Variants in PPP2R2D observed in about 807,000 individuals in gnomAD.
PPP2R2D encodes the protein serine/threonine-protein phosphatase 2A 55 kDa regulatory subunit B delta isoform.
A neutral mutation model predicts 31.1 loss-of-function variants in PPP2R2D; 9 were observed. That is an observed-to-expected ratio of 0.29 (90% CI 0.17 to 0.51). PPP2R2D has a LOEUF of 0.51. Among genes scored for constraint, PPP2R2D ranks in the 20% least tolerant of loss-of-function variants. PPP2R2D has a pLI of 0.98. For missense variants in PPP2R2D, 391 were observed against 465.6 expected (o/e 0.84, Z 1.48); for synonymous variants, 179 against 172.6 (o/e 1.04, Z -0.29).
chr10:131,942,692 A>T (rs2119869638), intron 5 of PPP2R2D, among the ~76,000 whole-genome samples: 1 of 152,296 alleles, frequency 6.6e-6, no homozygotes, highest in Admixed American at 6.5e-5. Flanking sequence ...ACATAGCCAG[A>T]CCCCATCTCT....
chr10:131,942,972 G>A (rs2036467234), intron 5 of PPP2R2D, among the ~76,000 whole-genome samples: 1 of 152,178 alleles, frequency 6.6e-6, no homozygotes, highest in Non-Finnish European at 1.5e-5. Flanking sequence ...AATTCAGCCA[G>A]ACAAGACTCA....
chr10:131,953,123 T>C (rs2036712521), intron 8 of PPP2R2D, among the ~76,000 whole-genome samples: 1 of 81,044 alleles, frequency 1.2e-5, no homozygotes, highest in Non-Finnish European at 2.5e-5. Context: ...TTCCCTGTCT[T>C]AGCAGTGACT....
At chr10:131,915,269 G>C (rs1347070454) in intron 2 of PPP2R2D, among the ~76,000 whole-genome samples, 1 of 152,044 alleles carries the variant, frequency 6.6e-6, no homozygotes, top group African/African-American at 2.4e-5. Flanking sequence ...GTACCAGTGC[G>C]TTTGTAAACG....
chr10:131,945,701 T>TCGG lies in PPP2R2D; in HGVS notation c.820+244_820+246dup, dbSNP rs2036525634. 2.2e-6 allele frequency: 1 copy of TCGG among 465,098 alleles called. No individual in the cohort carries two copies. Among genetic ancestry groups the TCGG allele is most frequent in the Non-Finnish European group, 3.8e-6 (1 of 262,244 alleles). 28.8% of individuals were successfully genotyped at this position (465,098 alleles called of 1,614,324 possible). On this transcript the variant is annotated intron_variant, in intron 7 of 8. Transcript: ENST00000455566. The surrounding 1 kb of genome is among the most constrained non-coding windows in gnomAD (Gnocchi z 4.8). ...TCTGACCTCAGGTGATCCCCCTACCTCGGCCTCCCAAAGTGCTGGGATTAC... is the reference window on the plus strand; with the variant it reads ...TCTGACCTCAGGTGATCCCCCTACCTCGGCGGCCTCCCAAAGTGCTGGGATTAC...
intron 2 of PPP2R2D, among the ~76,000 whole-genome samples, chr10:131,915,467 A>C (rs1283907214): frequency 6.6e-6 from 1 of 152,206 alleles, no homozygotes; most frequent in African/African-American, 2.4e-5. Flanking sequence ...ACAACGGTCC[A>C]TCTTGTTTTG....
chr10:131,964,758 G>A (rs1369092945), downstream of PPP2R2D, among the ~76,000 whole-genome samples: 2 of 147,188 alleles, frequency 1.4e-5, no homozygotes, highest in African/African-American at 5.0e-5. Context: ...CACCCCTTCA[G>A]TATGGCTTTA....
chr10:131,932,721 C>T (rs1554895873), intron 2 of PPP2R2D, among the ~76,000 whole-genome samples: 1 of 148,206 alleles, frequency 6.7e-6, no homozygotes, highest in African/African-American at 2.5e-5. Context: ...ATGCCTTCAG[C>T]ATCAGTCTGG....
intron 2 of PPP2R2D, among the ~76,000 whole-genome samples, chr10:131,930,092 A>C (rs1564817125): frequency 1.3e-5 from 2 of 152,348 alleles, no homozygotes; most frequent in Middle Eastern, 3.4e-3. Flanking sequence ...TTTGTTACAT[A>C]GTATTCCGTT....
chr10:131,901,728 C>T (rs1195108417), intron 2 of PPP2R2D, among the ~76,000 whole-genome samples: 4 of 152,280 alleles, frequency 2.6e-5, no homozygotes, highest in African/African-American at 9.6e-5. Context: ...TGCGCTCGGG[C>T]AGCGCGGCAC....
chr10:131,929,118 C>G (rs1190524120), intron 2 of PPP2R2D, among the ~76,000 whole-genome samples: 2 of 152,186 alleles, frequency 1.3e-5, no homozygotes, highest in African/African-American at 4.8e-5. Flanking sequence ...TTGTCATTGC[C>G]CCCTGTACTA....
intron 2 of PPP2R2D, among the ~76,000 whole-genome samples, chr10:131,902,798 G>A (rs2119690067): frequency 6.6e-6 from 1 of 152,254 alleles, no homozygotes; most frequent in East Asian, 1.9e-4. Context: ...GCCCAGGCTG[G>A]ATGGAGTGCA....
rs918480855 is a variant in PPP2R2D at position 131,913,044 on chromosome 10, A to G, written c.100+11714A>G. Among the ~76,000 whole-genome samples the G allele has an allele frequency of 9.2e-5, 14 of 152,126 alleles. No homozygotes were observed. The South Asian group carries it at 2.5e-3, about 27-fold the overall frequency. On this transcript the variant is annotated intron_variant, in intron 2 of 8. Coordinates refer to ENST00000455566, the MANE Select transcript of PPP2R2D (RefSeq NM_018461.5). ...TGGTTTGTGTGTTTGTTTTTTTGAGATGAAATCTCGCTCTGTCACCCAGGC... is the reference window on the plus strand; with the variant it reads ...TGGTTTGTGTGTTTGTTTTTTTGAGGTGAAATCTCGCTCTGTCACCCAGGC...
Position 131,920,221 on chromosome 10 carries a change from G to A in PPP2R2D, c.101-14237G>A, listed in dbSNP as rs566273442. Among the ~76,000 whole-genome samples the A allele has an allele frequency of 8.1e-5, 12 of 148,566 alleles. No individual in the cohort carries two copies. In the South Asian group the frequency reaches 2.4e-3, roughly 30 times the overall value. ...GAATGACACAGTATAGGGACCTCAC[G>A]CGGGTGGAATGACACAGTGTTTGTA... On this transcript the variant is annotated intron_variant, in intron 2 of 8. Coordinates refer to ENST00000455566, the MANE Select transcript of PPP2R2D (RefSeq NM_018461.5).
In PPP2R2D at chr10:131,955,877, C is replaced by G; in HGVS notation, c.1276C>G (p.Leu426Val). 6.2e-7 allele frequency: 1 copy of G among 1,608,332 alleles called. No individual in the cohort carries two copies. Among genetic ancestry groups the G allele is most frequent in the Non-Finnish European group, 8.5e-7 (1 of 1,177,050 alleles). The change falls in exon 9 of 9, where the codon CTG becomes GTG. Residue 426 changes from leucine to valine, a missense_variant. Leu to Val is a conservative substitution (Grantham distance 32). Transcript: ENST00000455566. Reference protein sequence around the residue: ...VDSLDFNKKILHTAWHPVDNV... With the variant: ...VDSLDFNKKIVHTAWHPVDNV... The stretch of plus-strand genomic sequence containing the variant: ...CAGTCTGGACTTCAACAAGAAGATC[C>G]TGCACACAGCCTGGCACCCCGTGGA...
Position 131,956,653 on chromosome 10 carries a change from G to T in PPP2R2D, c.*690G>T. 1 of 762,106 alleles carries T rather than the reference G, an allele frequency of 1.3e-6. No homozygotes were observed. The highest frequency in any genetic ancestry group is 1.6e-6 in the Non-Finnish European group (1 of 626,142). 47.2% of individuals were successfully genotyped at this position (762,106 alleles called of 1,614,324 possible). ...GAGAAATGTGTGTCCTTCTTTGGCA[G>T]CGTGGGGGTATGTGTGCAGCATTTC... is the stretch of plus-strand genomic sequence containing the variant. On this transcript the variant is annotated 3_prime_UTR_variant, in exon 9 of 9. Coordinates refer to ENST00000455566, the MANE Select transcript of PPP2R2D (RefSeq NM_018461.5).
chr10:131,909,952 C>T (rs1282671928), intron 2 of PPP2R2D, among the ~76,000 whole-genome samples: 1 of 152,210 alleles, frequency 6.6e-6, no homozygotes, highest in Non-Finnish European at 1.5e-5. Context: ...TTTTGCACAT[C>T]CTTTTAAAAT....
intron 8 of PPP2R2D, among the ~76,000 whole-genome samples, chr10:131,955,158 G>A (rs1438994705): frequency 1.3e-5 from 2 of 152,240 alleles, no homozygotes; most frequent in Non-Finnish European, 2.9e-5. Context: ...GTGAAATGCA[G>A]TTGTTCTAAA....
rs2119896809 is a variant in PPP2R2D, at chr10:131,945,038, A to G, written c.656-257A>G. Among the ~76,000 whole-genome samples the G allele has an allele frequency of 6.6e-6, 1 of 152,282 alleles. No individual in the cohort carries two copies. The highest frequency in any genetic ancestry group is 2.1e-4 in the South Asian group (1 of 4,824). On this transcript the variant is annotated intron_variant, in intron 6 of 8. Coordinates refer to ENST00000455566, the MANE Select transcript of PPP2R2D (RefSeq NM_018461.5). This position sits in a 1 kb window ranked among gnomAD's most constrained non-coding sequence, Gnocchi z 4.8. The stretch of plus-strand genomic sequence containing the variant: ...AAGGGCTTTCTGTATAACATTAATA[A>G]TAGCAGCAAGATGAAAGCGGTGTTC...
downstream of PPP2R2D, among the ~76,000 whole-genome samples, chr10:131,964,128 C>T (rs1471861991): frequency 2.6e-5 from 4 of 152,184 alleles, no homozygotes; most frequent in Non-Finnish European, 5.9e-5. Flanking sequence ...GGCAAGAACA[C>T]GGAAGAGATC....
Sources: gnomAD v4.1 joint callset for allele counts (sites outside exome capture counted in the v4.1 genomes callset) on GRCh38, gnomAD v4.1.1 for gene constraint, Gnocchi (gnomAD v3.1) non-coding constraint, MANE v1.5 for transcripts, NCBI Gene and HGNC (gene_info 2026-07-23, HGNC 2026-07-21) for gene names.